The following ASIC1 variants were observed in gnomAD, a reference collection of about 807,000 sequenced individuals.
ASIC1 encodes acid sensing ion channel subunit 1.
In ASIC1, 21 loss-of-function variants were observed where a neutral mutation model predicts 63.4. The ratio of observed to expected loss-of-function variants is 0.33; its 90% confidence interval spans 0.23 to 0.48. The LOEUF (loss-of-function observed/expected upper bound fraction) is 0.48, where lower values mean the gene tolerates loss of function less well. Among genes scored for constraint, ASIC1 ranks in the 20% least tolerant of loss-of-function variants. The pLI, the probability that ASIC1 is intolerant of heterozygous loss-of-function variation, is 0.99. For synonymous variants in ASIC1, 258 were observed against 278.2 expected, an observed-to-expected ratio of 0.93 and a Z score of 0.72; for missense variants, 478 against 695.5, an observed-to-expected ratio of 0.69 and a Z score of 3.52.
intron 4 of ASIC1, 146 bp from the exon 5 acceptor site, chr12:50,077,854 G>T: frequency 1.7e-6 from 2 of 1,186,200 alleles, no homozygotes; most frequent in Admixed American, 2.4e-5. Flanking sequence ...AGGAGGCTAG[G>T]GGGTGGGCTA....
In ASIC1 at chr12:50,078,826, A is replaced by T. The variant is rs1950685522; in HGVS notation, c.995-98A>T. ...GGGGGCCTGCCAGTCCTCCCTTCCC[A>T]TCTTCTCCCAGCTTACACCTTCTAG... On this transcript the variant is annotated intron_variant, in intron 6 of 11. Transcript: ENST00000447966. This position sits in a 1 kb window ranked among gnomAD's most constrained non-coding sequence, Gnocchi z 6.0. The T allele has an allele frequency of 1.4e-6, 2 of 1,451,484 alleles. No homozygotes were observed. The highest frequency in any genetic ancestry group is 3.4e-5 in the Admixed American group (2 of 59,662). 89.9% of individuals were successfully genotyped at this position (1,451,484 alleles called of 1,614,324 possible). A position where few individuals can be genotyped will look rare whatever the true frequency, so the allele number is the denominator to read the frequency against.
Position 50,078,274 on chromosome 12 carries a change from G to T in ASIC1, c.837+147G>T, listed in dbSNP as rs147700425. The T allele has an allele frequency of 2.0e-6, 3 of 1,506,672 alleles. No homozygotes were observed. The East Asian group carries it at 6.8e-5, about 34-fold the overall frequency. The allele number at this position is 1,506,672 out of a possible 1,614,324, so 93.3% of individuals were successfully genotyped here. A position where few individuals can be genotyped will look rare whatever the true frequency, so the allele number is the denominator to read the frequency against. On this transcript the variant is annotated intron_variant, in intron 5 of 11. Transcript: ENST00000447966. The surrounding 1 kb of genome is among the most constrained non-coding windows in gnomAD (Gnocchi z 6.0). ...GAAGCATGAGTGATCGAATGAACAA[G>T]AATGCTCTGTAAACTCTGAGACCTT...
intron 1 of ASIC1, among the ~76,000 whole-genome samples, chr12:50,058,129 C>A (rs1016399048): frequency 6.6e-5 from 10 of 151,802 alleles, no homozygotes; most frequent in Admixed American, 5.2e-4. Flanking sequence ...GGAACCGCGC[C>A]CCCCCTCCAT....
intron 3 of ASIC1, among the ~76,000 whole-genome samples, chr12:50,063,765 AC>A (rs1565725553): frequency 6.6e-6 from 1 of 152,060 alleles, no homozygotes; most frequent in African/African-American, 2.4e-5. Flanking sequence ...TGATCCTGGG[AC>A]CCAAAGTGGG....
chr12:50,060,036 G>T (rs866075619), intron 3 of ASIC1, 82 bp downstream of exon 3: 25 of 1,503,504 alleles, frequency 1.7e-5, no homozygotes, highest in Non-Finnish European at 2.3e-5. Context: ...GGCCTCTCCG[G>T]GTGCTTGCTA....
At chr12:50,065,679 CA>C (rs1950539094) in intron 3 of ASIC1, among the ~76,000 whole-genome samples, 2 of 152,354 alleles carry the variant, frequency 1.3e-5, no homozygotes, top group South Asian at 4.1e-4. Context: ...GGCCACTCTC[CA>C]GGGAGAGGGA....
Position 50,059,402 on chromosome 12 carries a change from C to A in ASIC1, c.362+274C>A, listed in dbSNP as rs1011391455. ...GTCACCCTCTCTGGAGTGAGCTTTACCTTCATTCTGGCCACTCTGTCTTGA... is the reference window on the plus strand; with the variant it reads ...GTCACCCTCTCTGGAGTGAGCTTTAACTTCATTCTGGCCACTCTGTCTTGA... On this transcript the variant is annotated intron_variant, in intron 2 of 11. Coordinates refer to ENST00000447966, the MANE Select transcript of ASIC1 (RefSeq NM_001095.4). The surrounding 1 kb of genome is among the most constrained non-coding windows in gnomAD (Gnocchi z 4.6). 1.3e-5 allele frequency among the ~76,000 whole-genome samples: 2 copies of A among 152,210 alleles called. No individual in the cohort carries two copies. Among genetic ancestry groups the A allele is most frequent in the African/African-American group, 4.8e-5 (2 of 41,450 alleles).
chr12:50,081,854 T>C lies in ASIC1; in HGVS notation c.*205T>C. 1 of 579,366 alleles carries C rather than the reference T, an allele frequency of 1.7e-6. No individual in the cohort carries two copies. Among genetic ancestry groups the C allele is most frequent in the Non-Finnish European group, 3.0e-6 (1 of 329,342 alleles). 35.9% of individuals were successfully genotyped at this position (579,366 alleles called of 1,614,324 possible). ...CTTTTTACATTTAACAAAACTAATC[T>C]AAAAAAGAACTAAAAAGGGAGAACG... On this transcript the variant is annotated 3_prime_UTR_variant, in exon 12 of 12. Transcript: ENST00000447966.
intron 3 of ASIC1, 87 bp from the exon 4 acceptor site, chr12:50,077,126 T>C: frequency 6.2e-7 from 1 of 1,602,564 alleles, no homozygotes; most frequent in Non-Finnish European, 8.5e-7. Flanking sequence ...GGTGTTGAGA[T>C]TCCAACAGCT....
Position 50,078,540 on chromosome 12 carries a change from G to A in ASIC1, c.957G>A (p.Leu319=). Residue 319 remains leucine, a synonymous_variant, in exon 6 of 12, where the codon CTG becomes CTA. Coordinates refer to ENST00000447966, the MANE Select transcript of ASIC1 (RefSeq NM_001095.4). The surrounding 1 kb of genome is among the most constrained non-coding windows in gnomAD (Gnocchi z 6.0). ...ACRIDCETRY[L]VENCNCRMVH... ...GCATCGACTGTGAGACGCGCTACCT[G>A]GTGGAGAACTGCAACTGCCGCATGG... 3 of 1,614,114 alleles carry A rather than the reference G, an allele frequency of 1.9e-6. No individual in the cohort carries two copies. The highest frequency in any genetic ancestry group is 2.5e-6 in the Non-Finnish European group (3 of 1,179,986).
rs1428383855 is a variant in ASIC1 at position 50,058,818 on chromosome 12, A to C, written c.52A>C (p.Ile18Leu). The C allele has an allele frequency of 4.4e-6, 7 of 1,606,878 alleles. No individual in the cohort carries two copies. In the South Asian group the frequency reaches 7.7e-5, roughly 18 times the overall value. Residue 18 changes from isoleucine to leucine, a missense_variant, in exon 2 of 12, where the codon ATC becomes CTC. By Grantham distance (5) the Ile-to-Leu change is conservative. This residue lies in a region of ASIC1 where 290 missense variants were observed against 414.9 expected (regional missense o/e 0.70). Transcript: ENST00000447966. ...GGTGGGTGGCGTCCAGCCGGTGAGC[A>C]TCCAGGCCTTCGCCAGCAGCTCCAC... ...EEVGGVQPVS[I>L]QAFASSSTLH...
rs1269933467 is a variant in ASIC1 at position 50,059,748 on chromosome 12, C to A, written c.363-11C>A. On this transcript the variant is annotated splice_polypyrimidine_tract_variant and intron_variant, in intron 2 of 11. Coordinates refer to ENST00000447966, the MANE Select transcript of ASIC1 (RefSeq NM_001095.4). The surrounding 1 kb of genome is among the most constrained non-coding windows in gnomAD (Gnocchi z 4.6). ...GTACTGACCCGTGTGTCACTCACCC[C>A]CGGACCCCAGGTATGAGATACCAGA... 1 of 1,610,742 alleles carries A rather than the reference C, an allele frequency of 6.2e-7. No homozygotes were observed. Among genetic ancestry groups the A allele is most frequent in the East Asian group, 2.2e-5 (1 of 44,692 alleles).
rs1384863533 is a variant in ASIC1, at chr12:50,074,325, G to A, written c.559-2888G>A. 5.6e-6 allele frequency: 8 copies of A among 1,425,858 alleles called. No homozygotes were observed. In the South Asian group the frequency reaches 1.1e-4, roughly 19 times the overall value. 88.3% of individuals were successfully genotyped at this position (1,425,858 alleles called of 1,614,324 possible). ...CCTGACTGTCACCTCCTGGGGTTGGGGCTGGGGCTGGGGCTGGGGCTGATG... is the reference window on the plus strand; with the variant it reads ...CCTGACTGTCACCTCCTGGGGTTGGAGCTGGGGCTGGGGCTGGGGCTGATG... On this transcript the variant is annotated intron_variant, in intron 3 of 11. Transcript: ENST00000447966. This position sits in a 1 kb window ranked among gnomAD's most constrained non-coding sequence, Gnocchi z 4.2.
At chr12:50,067,608 G>C (rs146504839) in intron 3 of ASIC1, among the ~76,000 whole-genome samples, 4 of 151,998 alleles carry the variant, frequency 2.6e-5, no homozygotes, top group Non-Finnish European at 4.4e-5. Context: ...TCGTAGAGAC[G>C]GGTTTTCTCC....
At chr12:50,073,060 T>A (rs1308297787) in intron 3 of ASIC1, among the ~76,000 whole-genome samples, 1 of 151,958 alleles carries the variant, frequency 6.6e-6, no homozygotes, top group African/African-American at 2.4e-5. Context: ...CTGAGGGATA[T>A]GCTGAGGAAC....
Position 50,074,238 on chromosome 12 carries a change from C to G in ASIC1, c.559-2975C>G. On this transcript the variant is annotated intron_variant, in intron 3 of 11. Coordinates refer to ENST00000447966, the MANE Select transcript of ASIC1 (RefSeq NM_001095.4). This position sits in a 1 kb window ranked among gnomAD's most constrained non-coding sequence, Gnocchi z 4.2. ...GGGGACCCTGCGGCCCTCACAACTT[C>G]TCAGTGGTGAGTGGAGCCCCATGCC... 7 of 1,480,336 alleles carry G rather than the reference C, an allele frequency of 4.7e-6. No individual in the cohort carries two copies. The highest frequency in any genetic ancestry group is 6.3e-6 in the Non-Finnish European group (7 of 1,117,130). The allele number at this position is 1,480,336 out of a possible 1,614,324, so 91.7% of individuals were successfully genotyped here.
chr12:50,058,116 T>G (rs2137802674), intron 1 of ASIC1, among the ~76,000 whole-genome samples, 200 bp downstream of exon 1: 1 of 151,696 alleles, frequency 6.6e-6, no homozygotes, highest in African/African-American at 2.4e-5. Flanking sequence ...CTCGCTGTCA[T>G]AGGGAACCGC....
At chr12:50,080,241 C>T (rs1950701480) in intron 8 of ASIC1, 186 bp downstream of exon 8, 2 of 875,226 alleles carry the variant, frequency 2.3e-6, no homozygotes, top group East Asian at 5.3e-5. Context: ...AGCAGGGAAG[C>T]ACCCCTTTCT....
chr12:50,065,720 T>A (rs1950539433), intron 3 of ASIC1, among the ~76,000 whole-genome samples: 1 of 152,244 alleles, frequency 6.6e-6, no homozygotes, highest in Non-Finnish European at 1.5e-5. Context: ...TGAGATCCCA[T>A]GAGTTCTTGG....
Sources: allele counts gnomAD v4.1 joint callset (sites outside exome capture counted in the v4.1 genomes callset), GRCh38; gene constraint gnomAD v4.1.1; regional missense constraint gnomAD v4.1.1; non-coding constraint Gnocchi (gnomAD v3.1); transcripts MANE v1.5; gene names NCBI Gene and HGNC (gene_info 2026-07-23, HGNC 2026-07-21).